Variants in TRIM5 observed in about 807,000 individuals in gnomAD.
TRIM5 encodes tripartite motif-containing protein 5.
TRIM5 carries 31 observed loss-of-function variants against 35.6 expected under a neutral mutation model. That is an observed-to-expected ratio of 0.87 (90% CI 0.65 to 1.18). The LOEUF is 1.18. Ranked by LOEUF, TRIM5 falls within the 50% of genes most tolerant of loss-of-function variation. The pLI is 0.00. For missense variants in TRIM5, 609 were observed against 591.6 expected (o/e 1.03, Z -0.31); for synonymous variants, 243 against 215.6 (o/e 1.13, Z -1.11).
intron 5 of TRIM5, among the ~76,000 whole-genome samples, chr11:5,666,562 C>T (rs1213763832): frequency 1.3e-5 from 2 of 152,142 alleles, no homozygotes; most frequent in Admixed American, 1.3e-4. Context: ...GAGAGGAATC[C>T]TGTTTGGAGA....
chr11:5,604,618 A>G, the TRIM5 span: 2 of 1,611,648 alleles, frequency 1.2e-6, no homozygotes, highest in Non-Finnish European at 8.5e-7. Context: ...AGAGAAGAAA[A>G]CATCCTGGAA....
chr11:5,678,861 A>G (rs1852202337), intron 3 of TRIM5, among the ~76,000 whole-genome samples: 1 of 152,188 alleles, frequency 6.6e-6, no homozygotes, highest in Non-Finnish European at 1.5e-5. Flanking sequence ...AGCCATCCTC[A>G]CCAGAGAGAT....
the TRIM5 span, chr11:5,610,984 G>A: frequency 6.2e-7 from 1 of 1,614,104 alleles, no homozygotes; most frequent in Admixed American, 1.7e-5. Context: ...TGGATCCTGG[G>A]GGTATGCAGC....
intron 4 of TRIM5, among the ~76,000 whole-genome samples, chr11:5,672,376 T>G (rs1851645742): frequency 2.0e-5 from 3 of 152,086 alleles, no homozygotes; most frequent in Admixed American, 1.3e-4. Flanking sequence ...CATGTCCAGC[T>G]AATTTTTGTA....
chr11:5,614,570 C>A, the TRIM5 span, among the ~76,000 whole-genome samples: 2 of 152,188 alleles, frequency 1.3e-5, no homozygotes, highest in Admixed American at 1.3e-4. Context: ...CCTAAGTAAT[C>A]CTTTTTCCCA....
At chr11:5,625,303 T>A in the TRIM5 span, among the ~76,000 whole-genome samples, 1 of 152,202 alleles carries the variant, frequency 6.6e-6, no homozygotes, top group Non-Finnish European at 1.5e-5. Context: ...TGTCTTTTTT[T>A]CCTCCAGGCT....
At chr11:5,676,315 G>A (rs1387828660) in intron 4 of TRIM5, among the ~76,000 whole-genome samples, 1 of 151,986 alleles carries the variant, frequency 6.6e-6, no homozygotes, top group Non-Finnish European at 1.5e-5. Context: ...ACCAACAACA[G>A]ACAAACAGAG....
chr11:5,629,661 G>C, the TRIM5 span, among the ~76,000 whole-genome samples: 1 of 152,206 alleles, frequency 6.6e-6, no homozygotes, highest in Non-Finnish European at 1.5e-5. Context: ...AGGAGATATA[G>C]CATGCAGACA....
intron 5 of TRIM5, chr11:5,666,291 G>T: frequency 1.6e-6 from 1 of 634,430 alleles, no homozygotes; most frequent in Non-Finnish European, 2.9e-6. Flanking sequence ...AACGTGGGAA[G>T]ATCTTAACCT....
the TRIM5 span, among the ~76,000 whole-genome samples, chr11:5,614,209 GT>G: frequency 7.9e-5 from 12 of 152,164 alleles, no homozygotes; most frequent in Non-Finnish European, 1.8e-4. Context: ...TGTACTTCTT[GT>G]TAATGTAAAA....
the TRIM5 span, among the ~76,000 whole-genome samples, chr11:5,619,493 T>C: frequency 1.3e-5 from 2 of 151,410 alleles, no homozygotes; most frequent in African/African-American, 2.4e-5. Context: ...GATCTTTTTC[T>C]TGGCTTTCCA....
At chr11:5,682,890 C>G (rs896743987) in intron 1 of TRIM5, among the ~76,000 whole-genome samples, 2 of 152,248 alleles carry the variant, frequency 1.3e-5, no homozygotes. Context: ...GTGGGAGCCC[C>G]TTTCTGGGCT....
At chr11:5,603,493 A>C in the TRIM5 span, 1 of 1,614,120 alleles carries the variant, frequency 6.2e-7, no homozygotes, top group Middle Eastern at 1.6e-4. Flanking sequence ...TGTGTGCCAG[A>C]CCAGCTACCA....
chr11:5,638,679 G>A, the TRIM5 span, among the ~76,000 whole-genome samples: 5 of 152,190 alleles, frequency 3.3e-5, no homozygotes, highest in African/African-American at 1.2e-4. Context: ...GCATAAGAAA[G>A]GAAACAATAT....
chr11:5,638,637 T>G, the TRIM5 span, among the ~76,000 whole-genome samples: 1 of 152,246 alleles, frequency 6.6e-6, no homozygotes, highest in Admixed American at 6.5e-5. Flanking sequence ...GGACAGGGAC[T>G]GAGTGAATAT....
the TRIM5 span, chr11:5,643,559 T>G: frequency 5.6e-6 from 9 of 1,614,222 alleles, no homozygotes; most frequent in Non-Finnish European, 7.6e-6. Context: ...TCCTCGACTA[T>G]GAAGCAGGCA....
At chr11:5,666,472 CTA>C (rs1851148209) in intron 5 of TRIM5, among the ~76,000 whole-genome samples, 2 of 152,046 alleles carry the variant, frequency 1.3e-5, no homozygotes, top group African/African-American at 4.8e-5. Flanking sequence ...AACATCATCG[CTA>C]TGTATGTTGA....
rs1479228952 is a variant in TRIM5, at chr11:5,665,667, C to T, written c.884G>A (p.Arg295Gln). The T allele has an allele frequency of 5.2e-6, 8 of 1,528,636 alleles. No homozygotes were observed. Among genetic ancestry groups the T allele is most frequent in the South Asian group, 1.4e-5 (1 of 73,890 alleles). The allele number at this position is 1,528,636 out of a possible 1,614,324, so 94.7% of individuals were successfully genotyped here. A position where few individuals can be genotyped will look rare whatever the true frequency, so the allele number is the denominator to read the frequency against. Residue 295 changes from arginine (R) to glutamine (Q), a missense_variant, in exon 7 of 8, where the codon CGA (arginine) becomes CAA (glutamine). Coordinates refer to ENST00000380034, the MANE Select transcript of TRIM5 (RefSeq NM_033034.3). ...TGACTTCTCCTTACCCCAGTAGCGT[C>T]GGACATCTGTCAGCTCTGAAATGAT... is the stretch of plus-strand genomic sequence containing the variant. ...LEVFRELTDV[R>Q]RYWVDVTVAP...
At chr11:5,610,844 G>C in the TRIM5 span, 1 of 1,614,200 alleles carries the variant, frequency 6.2e-7, no homozygotes, top group South Asian at 1.1e-5. Context: ...GGAGACAAGT[G>C]AGGTTTGTGG....
Sources: gnomAD v4.1 joint callset for allele counts (sites outside exome capture counted in the v4.1 genomes callset) on GRCh38, gnomAD v4.1.1 for gene constraint, MANE v1.5 for transcripts, NCBI Gene and HGNC (gene_info 2026-07-23, HGNC 2026-07-21) for gene names.